The following SLC37A1 variants were observed in gnomAD, a reference collection of about 807,000 sequenced individuals.
SLC37A1 encodes glucose-6-phosphate exchanger SLC37A1.
In SLC37A1, 49 loss-of-function variants were observed where a neutral mutation model predicts 75.3. The observed-to-expected ratio is 0.65, with a 90% CI of 0.52 to 0.83. The LOEUF (loss-of-function observed/expected upper bound fraction) is 0.83. Among genes scored for constraint, SLC37A1 ranks in the 40% least tolerant of loss-of-function variants. SLC37A1 has a pLI of 0.00. For missense variants in SLC37A1, 566 were observed against 695.0 expected, an observed-to-expected ratio of 0.81 and a Z score of 2.09; for synonymous variants, 268 against 292.1, an observed-to-expected ratio of 0.92 and a Z score of 0.84.
intron 5 of SLC37A1, among the ~76,000 whole-genome samples, chr21:42,539,048 A>G (rs979231479): frequency 6.6e-6 from 1 of 152,192 alleles, no homozygotes; most frequent in African/African-American, 2.4e-5. Context: ...AGCCAGGTGT[A>G]TTAACACAGG....
intron 18 of SLC37A1, among the ~76,000 whole-genome samples, chr21:42,578,359 C>A (rs2056349762): frequency 6.6e-6 from 1 of 152,228 alleles, no homozygotes; most frequent in Admixed American, 6.5e-5. Flanking sequence ...GATCTCTGTT[C>A]TTCAGAACTG....
rs1052969758 is a variant in SLC37A1, at chr21:42,518,434, C to T, written c.-21C>T. ...AGCATCTTATTCTGCGACCGAGGCT[C>T]AGTGGTCAGTGGCGACGTAAATGGC... On this transcript the variant is annotated 5_prime_UTR_variant, in exon 2 of 20. Coordinates refer to ENST00000352133, the MANE Select transcript of SLC37A1 (RefSeq NM_001320537.2). 2 of 1,614,048 alleles carry T rather than the reference C, an allele frequency of 1.2e-6. No homozygotes were observed. The highest frequency in any genetic ancestry group is 1.7e-5 in the Admixed American group (1 of 60,026).
At chr21:42,565,703 G>A (rs988915345) in intron 14 of SLC37A1, 124 bp from the exon 15 acceptor site, 2 of 815,082 alleles carry the variant, frequency 2.5e-6, no homozygotes, top group Admixed American at 2.2e-5. Context: ...GCTTTTTTAG[G>A]GGTTTCCACT....
At chr21:42,504,898 A>C (rs1296685442) in intron 2 of SLC37A1, among the ~76,000 whole-genome samples, 1 of 152,132 alleles carries the variant, frequency 6.6e-6, no homozygotes, top group Non-Finnish European at 1.5e-5. Flanking sequence ...GAACATCATC[A>C]ATGTCAGGGA....
chr21:42,512,180 TTATG>T (rs1257418161), upstream of SLC37A1, among the ~76,000 whole-genome samples: 48 of 132,792 alleles, frequency 3.6e-4, no homozygotes, highest in African/African-American at 1.3e-3. Flanking sequence ...ATACTACAAA[TTATG>T]TAATTTTTAT....
chr21:42,556,271 G>A (rs577270787), intron 10 of SLC37A1, among the ~76,000 whole-genome samples: 3 of 152,320 alleles, frequency 2.0e-5, no homozygotes, highest in East Asian at 1.9e-4. Context: ...CCTCCTTGAC[G>A]TCTCTGAGGA....
intron 16 of SLC37A1, among the ~76,000 whole-genome samples, chr21:42,568,065 T>A (rs1023645581): frequency 6.6e-6 from 1 of 152,268 alleles, no homozygotes; most frequent in African/African-American, 2.4e-5. Context: ...CCTCTCACGC[T>A]GGCTGCTCTG....
chr21:42,535,621 T>C (rs2055118462), intron 5 of SLC37A1, 71 bp downstream of exon 5: 1 of 1,368,298 alleles, frequency 7.3e-7, no homozygotes, highest in East Asian at 2.3e-5. Context: ...ACATCCGCTA[T>C]GCTGAAGTGC....
chr21:42,539,972 G>A (rs936416850), intron 6 of SLC37A1, among the ~76,000 whole-genome samples: 1 of 152,238 alleles, frequency 6.6e-6, no homozygotes, highest in East Asian at 1.9e-4. Context: ...TCTTGCGAAA[G>A]ATTTGACCAC....
intron 5 of SLC37A1, among the ~76,000 whole-genome samples, chr21:42,538,479 G>A (rs1225455650): frequency 2.6e-5 from 4 of 152,154 alleles, no homozygotes; most frequent in Non-Finnish European, 2.9e-5. Context: ...CCCGGAGTGG[G>A]GTTCATGGCA....
rs1334365082 is a variant in SLC37A1, at chr21:42,514,040, A to T, written c.-856A>T. On this transcript the variant is annotated 5_prime_UTR_variant, in exon 1 of 20. Coordinates refer to ENST00000352133, the MANE Select transcript of SLC37A1 (RefSeq NM_001320537.2). The surrounding 1 kb of genome is among the most constrained non-coding windows in gnomAD (Gnocchi z 4.8). ...GCCGCTCAGCACCTGCGGCGCCCTC[A>T]GGGAGCCGGGCGCGGGGCCCTGCGC... The T allele has an allele frequency of 9.5e-5, 14 of 147,430 alleles. No individual in the cohort carries two copies. The highest frequency in any genetic ancestry group is 6.7e-4 in the Admixed American group (10 of 14,956). 9.1% of individuals were successfully genotyped at this position (147,430 alleles called of 1,614,324 possible).
rs188384136 is a variant in SLC37A1, at chr21:42,536,790, G to A, written c.350+1240G>A. ...ACAATAGCTCATCAGTCCTGAGAGCGCGGCCACTCACTCCTGCGGATTCAT... is the reference window on the plus strand; with the variant it reads ...ACAATAGCTCATCAGTCCTGAGAGCACGGCCACTCACTCCTGCGGATTCAT... On this transcript the variant is annotated intron_variant, in intron 5 of 19. Coordinates refer to ENST00000352133, the MANE Select transcript of SLC37A1 (RefSeq NM_001320537.2). 4.6e-3 allele frequency among the ~76,000 whole-genome samples: 694 copies of A among 152,300 alleles called. 6 individuals are homozygous for A. The highest frequency in any genetic ancestry group is 0.015 in the African/African-American group (637 of 41,558).
Position 42,568,013 on chromosome 21 carries a change from C to T in SLC37A1, c.1345-347C>T, listed in dbSNP as rs73905701. On this transcript the variant is annotated intron_variant, in intron 16 of 19. Coordinates refer to ENST00000352133, the MANE Select transcript of SLC37A1 (RefSeq NM_001320537.2). ...CGTGGATGTGTCTGGGAAGGAAGGC[C>T]GGCGCAGCTCAGGGCAGGGGCGCGC... is the stretch of plus-strand genomic sequence containing the variant. 8.8e-3 allele frequency among the ~76,000 whole-genome samples: 1,335 copies of T among 152,366 alleles called. 17 individuals carry two copies. The highest frequency in any genetic ancestry group is 0.03 in the African/African-American group (1,255 of 41,582).
chr21:42,573,318 C>T (rs1480048678), intron 17 of SLC37A1, among the ~76,000 whole-genome samples: 2 of 133,928 alleles, frequency 1.5e-5, no homozygotes, highest in African/African-American at 5.9e-5. Context: ...TCCGTTCCCA[C>T]TGCGTTCCTC....
intron 3 of SLC37A1, among the ~76,000 whole-genome samples, chr21:42,530,956 A>C (rs2054956492): frequency 6.6e-6 from 1 of 152,250 alleles, no homozygotes; most frequent in Non-Finnish European, 1.5e-5. Flanking sequence ...CATGGAATGC[A>C]GGCGAATACA....
intron 3 of SLC37A1, among the ~76,000 whole-genome samples, chr21:42,534,330 A>G (rs2055075509): frequency 6.6e-6 from 1 of 152,154 alleles, no homozygotes; most frequent in Admixed American, 6.5e-5. Flanking sequence ...AATCTAGGAA[A>G]ATGTACCCCT....
In SLC37A1 at chr21:42,554,963, T is replaced by G. The variant is rs1397751328; in HGVS notation, c.849+821T>G. 1.3e-5 allele frequency among the ~76,000 whole-genome samples: 2 copies of G among 149,236 alleles called. 1 individual carries two copies. Among genetic ancestry groups the G allele is most frequent in the African/African-American group, 5.1e-5 (2 of 39,266 alleles). On this transcript the variant is annotated intron_variant, in intron 10 of 19. Transcript: ENST00000352133. ...GTTCTCTTTCTAGATCAGGTTTTTG[T>G]TTGTTTGGTTGGTTGGTTGTTTTTT...
At chr21:42,501,746 T>C (rs1244598067) in intron 1 of SLC37A1, among the ~76,000 whole-genome samples, 2 of 152,134 alleles carry the variant, frequency 1.3e-5, no homozygotes, top group Non-Finnish European at 2.9e-5. Flanking sequence ...AACAAAACTA[T>C]TATGCCTTCT....
At chr21:42,564,384 A>C (rs904529693) in intron 13 of SLC37A1, among the ~76,000 whole-genome samples, 1 of 152,018 alleles carries the variant, frequency 6.6e-6, no homozygotes, top group Non-Finnish European at 1.5e-5. Flanking sequence ...GTGAGACCCC[A>C]TCTCAAAACT....
Sources: allele counts gnomAD v4.1 joint callset (sites outside exome capture counted in the v4.1 genomes callset), GRCh38; gene constraint gnomAD v4.1.1; non-coding constraint Gnocchi (gnomAD v3.1); transcripts MANE v1.5; gene names NCBI Gene and HGNC (gene_info 2026-07-23, HGNC 2026-07-21).